ABCD2: variants seen among roughly 807,000 people sequenced by gnomAD.
The protein encoded by ABCD2 is ATP binding cassette subfamily D member 2.
Under a neutral mutation model 70.9 loss-of-function variants are expected in ABCD2, and 36 were observed. The ratio of observed to expected loss-of-function variants is 0.51; its 90% confidence interval spans 0.39 to 0.67. The LOEUF is 0.67. Among genes scored for constraint, ABCD2 ranks in the 30% least tolerant of loss-of-function variants. ABCD2 has a pLI of 0.00. For missense variants in ABCD2, 729 were observed against 890.2 expected, an observed-to-expected ratio of 0.82 and a Z score of 2.30; for synonymous variants, 304 against 306.9, an observed-to-expected ratio of 0.99 and a Z score of 0.10.
At chr12:39,570,141 T>G (rs1941425902) in intron 9 of ABCD2, among the ~76,000 whole-genome samples, 1 of 152,238 alleles carries the variant, frequency 6.6e-6, no homozygotes, top group Non-Finnish European at 1.5e-5. Flanking sequence ...GAATTAATAT[T>G]GTTAAAATGT....
In ABCD2 at chr12:39,607,691, C is replaced by T; in HGVS notation, c.1144G>A (p.Val382Ile). Residue 382 changes from valine to isoleucine, a missense_variant, in exon 3 of 10, where the codon GTT (valine) becomes ATT (isoleucine). By Grantham distance (29) the Val-to-Ile change is conservative. Coordinates refer to ENST00000308666, the MANE Select transcript of ABCD2 (RefSeq NM_005164.4). Reference sequence around the variant, plus strand: ...GTAAAGGCTTCTGTCCGTTCACTAACCATAACTTGCTTTTGGCCATCCTCT... The same window carrying T: ...GTAAAGGCTTCTGTCCGTTCACTAATCATAACTTGCTTTTGGCCATCCTCT... ...DGEDGQKQVM[V>I]SERTEAFTTA... is the part of the protein sequence containing the mutation. 6.2e-7 allele frequency: 1 copy of T among 1,611,106 alleles called. No homozygotes were observed. The highest frequency in any genetic ancestry group is 8.5e-7 in the Non-Finnish European group (1 of 1,179,092).
intron 9 of ABCD2, among the ~76,000 whole-genome samples, chr12:39,570,569 GC>G (rs1941433489): frequency 1.3e-5 from 2 of 152,088 alleles, no homozygotes; most frequent in Non-Finnish European, 2.9e-5. Flanking sequence ...CTCACCATAT[GC>G]AAAAACAAAC....
Position 39,553,892 on chromosome 12 carries a change from T to G in ABCD2, c.*20A>C, listed in dbSNP as rs148223368. 900 of 1,559,692 alleles carry G rather than the reference T, an allele frequency of 5.8e-4. 11 individuals are homozygous for G. The African/African-American group carries it at 0.012, about 20-fold the overall frequency. On this transcript the variant is annotated 3_prime_UTR_variant, in exon 10 of 10. Transcript: ENST00000308666. ...TGAGCCTTTATCTAATAATTAACTT[T>G]TAAAATATGTCAAAACAAATTAAGA...
the ABCD2 span, among the ~76,000 whole-genome samples, chr12:39,540,491 CT>C: frequency 2.6e-5 from 4 of 152,112 alleles, no homozygotes; most frequent in Non-Finnish European, 5.9e-5. Flanking sequence ...CAAAGCTATC[CT>C]TTGTGGGAAA....
At chr12:39,606,415 A>G (rs1194739196) in intron 3 of ABCD2, among the ~76,000 whole-genome samples, 1 of 152,214 alleles carries the variant, frequency 6.6e-6, no homozygotes, top group Non-Finnish European at 1.5e-5. Context: ...AATTCAGGCA[A>G]AAATAAAGCA....
At chr12:39,605,546 G>T (rs1941958460) in intron 3 of ABCD2, among the ~76,000 whole-genome samples, 1 of 151,690 alleles carries the variant, frequency 6.6e-6, no homozygotes, top group South Asian at 2.1e-4. Context: ...TTTTTTTCTA[G>T]GTAAGATTAT....
chr12:39,606,810 T>C (rs1941975246), intron 3 of ABCD2, among the ~76,000 whole-genome samples: 1 of 152,210 alleles, frequency 6.6e-6, no homozygotes, highest in South Asian at 2.1e-4. Flanking sequence ...AATTAAGTAA[T>C]TTTAACCTTG....
the ABCD2 span, among the ~76,000 whole-genome samples, chr12:39,543,721 G>A: frequency 2.0e-5 from 3 of 152,296 alleles, no homozygotes; most frequent in South Asian, 4.1e-4. Context: ...TGCAAAGAAA[G>A]CAATTTTATT....
chr12:39,601,340 G>T (rs1416513916), intron 5 of ABCD2, among the ~76,000 whole-genome samples: 2 of 151,034 alleles, frequency 1.3e-5, no homozygotes, highest in African/African-American at 4.9e-5. Flanking sequence ...TCATGTCTAG[G>T]GATGAATTAA....
the ABCD2 span, among the ~76,000 whole-genome samples, chr12:39,542,830 G>T: frequency 6.6e-6 from 1 of 152,186 alleles, no homozygotes; most frequent in Non-Finnish European, 1.5e-5. Flanking sequence ...GTCAGCCAAT[G>T]ATCAGCTGTG....
chr12:39,534,902 AAGAAAG>A, the ABCD2 span, among the ~76,000 whole-genome samples: 1 of 74,928 alleles, frequency 1.3e-5, no homozygotes, highest in Admixed American at 1.1e-4. Context: ...GAAAGAAAGA[AAGAAAG>A]AAAGAAAGAA....
the ABCD2 span, among the ~76,000 whole-genome samples, chr12:39,538,928 G>A: frequency 2.0e-5 from 3 of 152,258 alleles, no homozygotes; most frequent in East Asian, 1.9e-4. Flanking sequence ...TGTTTACAGA[G>A]GACTATAAAA....
chr12:39,576,621 A>G (rs1197480506), intron 8 of ABCD2, among the ~76,000 whole-genome samples: 2 of 152,208 alleles, frequency 1.3e-5, no homozygotes, highest in Non-Finnish European at 2.9e-5. Context: ...TATGAACACA[A>G]CTAATAATTT....
At chr12:39,614,595 C>T (rs934365418) in intron 2 of ABCD2, among the ~76,000 whole-genome samples, 1 of 151,552 alleles carries the variant, frequency 6.6e-6, no homozygotes, top group Non-Finnish European at 1.5e-5. Flanking sequence ...ATGCACTTTA[C>T]CTCTAACATA....
intron 7 of ABCD2, among the ~76,000 whole-genome samples, chr12:39,585,369 A>G (rs1941650949): frequency 6.6e-6 from 1 of 152,114 alleles, no homozygotes; most frequent in South Asian, 2.1e-4. Flanking sequence ...TTGATTTTGT[A>G]CACTGCAACT....
rs1566521677 is a variant in ABCD2, at chr12:39,551,413, CAA to C, written c.*2497_*2498del. 6.6e-6 allele frequency: 1 copy of C among 151,418 alleles called. No individual in the cohort carries two copies. Among genetic ancestry groups the C allele is most frequent in the Non-Finnish European group, 1.5e-5 (1 of 67,598 alleles). The allele number at this position is 151,418 out of a possible 1,614,324, so 9.4% of individuals were successfully genotyped here. A position where few individuals can be genotyped will look rare whatever the true frequency, so the allele number is the denominator to read the frequency against. ...TTCCTCATCTATCCCTTGCTGTATTCAAAAATGGCTAGTTTCTCAGTCTTTTT... is the reference window on the plus strand; with the variant it reads ...TTCCTCATCTATCCCTTGCTGTATTCAAATGGCTAGTTTCTCAGTCTTTTT... On this transcript the variant is annotated 3_prime_UTR_variant, in exon 10 of 10. Transcript: ENST00000308666.
rs189342789 is a variant in ABCD2, at chr12:39,606,200, G to A, written c.1237-1270C>T. Among the ~76,000 whole-genome samples, 391 of 152,186 alleles carry A rather than the reference G, an allele frequency of 2.6e-3. 1 individual carries two copies. Among genetic ancestry groups the A allele is most frequent in the Non-Finnish European group, 4.3e-3 (292 of 67,992 alleles). On this transcript the variant is annotated intron_variant, in intron 3 of 9. Coordinates refer to ENST00000308666, the MANE Select transcript of ABCD2 (RefSeq NM_005164.4). The stretch of plus-strand genomic sequence containing the variant: ...GTGGATCAGGATGGAATGTGAAGAC[G>A]GTAGGAAGTGTCTGACAAAAACTAA...
intron 9 of ABCD2, among the ~76,000 whole-genome samples, chr12:39,571,056 T>C (rs1185820513): frequency 1.3e-5 from 2 of 152,060 alleles, no homozygotes; most frequent in Non-Finnish European, 2.9e-5. Context: ...AGAATGGCTA[T>C]TAAGAAAATG....
intron 9 of ABCD2, among the ~76,000 whole-genome samples, chr12:39,555,182 G>T (rs1941143881): frequency 6.6e-6 from 1 of 152,070 alleles, no homozygotes; most frequent in Non-Finnish European, 1.5e-5. Context: ...ATACCCATCA[G>T]CAGTCTTTCT....
Sources: gnomAD v4.1 joint callset for allele counts (sites outside exome capture counted in the v4.1 genomes callset) on GRCh38, gnomAD v4.1.1 for gene constraint, MANE v1.5 for transcripts, NCBI Gene and HGNC (gene_info 2026-07-23, HGNC 2026-07-21) for gene names.